Variants in GRM7 observed in about 807,000 individuals in gnomAD.
GRM7 encodes the protein glutamate metabotropic receptor 7.
In GRM7, 35 loss-of-function variants were observed where a neutral mutation model predicts 84.5. That is an observed-to-expected ratio of 0.41 (90% CI 0.32 to 0.55). The LOEUF (loss-of-function observed/expected upper bound fraction) is 0.55, where lower values mean the gene tolerates loss of function less well. GRM7 is among the 20% of genes least tolerant of loss of function. GRM7 has a pLI of 0.19. For synonymous variants in GRM7, 487 were observed against 455.1 expected (o/e 1.07, Z -0.89); for missense variants, 1,003 against 1,194.6 (o/e 0.84, Z 2.36).
chr3:6,973,783 G>A lies in GRM7; in HGVS notation c.519+111876G>A, dbSNP rs773459045. Among the ~76,000 whole-genome samples the A allele has an allele frequency of 3.9e-5, 6 of 152,292 alleles. No individual in the cohort carries two copies. The South Asian group carries it at 8.3e-4, about 21-fold the overall frequency. ...ATGTGGTTTGAGTGCTTGAGCTAAG[G>A]GAATGTGAAAGGAGATGGAGTCAGA... On this transcript the variant is annotated intron_variant, in intron 1 of 9. Coordinates refer to ENST00000357716, the MANE Select transcript of GRM7 (RefSeq NM_000844.4).
rs141881024 is a variant in GRM7, at chr3:7,437,035, C to A, written c.1175-15572C>A. ...CATCAAGTCCAATGTATACTCCTTACAACTGTTATTTCCTTTCACACCAAC... is the reference window on the plus strand; with the variant it reads ...CATCAAGTCCAATGTATACTCCTTAAAACTGTTATTTCCTTTCACACCAAC... On this transcript the variant is annotated intron_variant, in intron 5 of 9. Coordinates refer to ENST00000357716, the MANE Select transcript of GRM7 (RefSeq NM_000844.4). Among the ~76,000 whole-genome samples the A allele has an allele frequency of 5.4e-4, 82 of 152,296 alleles. 1 individual carries two copies. The East Asian group carries it at 0.012, about 21-fold the overall frequency.
rs985467323 is a variant in GRM7 at position 7,578,489 on chromosome 3, A to G, written c.1583A>G (p.Lys528Arg). The change falls in exon 8 of 10, where the codon AAG becomes AGG. Residue 528 changes from lysine to arginine, a missense_variant. Lys to Arg is a conservative substitution (Grantham distance 26). Transcript: ENST00000357716. ...GCCTCAGTGTGCACACTACCATGTA[A>G]GCCAGGACAGAGAAAGAAGACACAG... is the stretch of plus-strand genomic sequence containing the variant. ...IPASVCTLPCKPGQRKKTQKG... is the reference protein window; with the variant it reads ...IPASVCTLPCRPGQRKKTQKG... 1.9e-6 allele frequency: 3 copies of G among 1,613,902 alleles called. No individual in the cohort carries two copies. The African/African-American group carries it at 4.0e-5, about 22-fold the overall frequency.
At chr3:7,203,293 C>T (rs112788905) in intron 2 of GRM7, among the ~76,000 whole-genome samples, 51 of 152,202 alleles carry the variant, frequency 3.4e-4, no homozygotes, top group African/African-American at 9.9e-4. Context: ...CTCACATATG[C>T]GTGAGAATAT....
intron 2 of GRM7, among the ~76,000 whole-genome samples, chr3:7,205,094 C>T (rs1303236149): frequency 6.6e-6 from 1 of 152,148 alleles, no homozygotes; most frequent in African/African-American, 2.4e-5. Flanking sequence ...CATATGAAGA[C>T]TAGGGTTTTA....
intron 1 of GRM7, among the ~76,000 whole-genome samples, chr3:7,095,238 C>G (rs1253086969): frequency 2.6e-5 from 4 of 152,156 alleles, no homozygotes; most frequent in African/African-American, 9.7e-5. Context: ...CTTTAATTAT[C>G]TGACAGATGG....
At chr3:7,598,021 A>C (rs3804883) in intron 8 of GRM7, among the ~76,000 whole-genome samples, 1 of 152,072 alleles carries the variant, frequency 6.6e-6, no homozygotes, top group Admixed American at 6.5e-5. Flanking sequence ...TCAGGAAGAC[A>C]AAAGGACCAA....
chr3:7,180,083 A>G (rs983870756), intron 2 of GRM7, among the ~76,000 whole-genome samples: 1 of 152,158 alleles, frequency 6.6e-6, no homozygotes, highest in African/African-American at 2.4e-5. Flanking sequence ...TCTGACTTTC[A>G]CAGAACATTG....
At chr3:7,056,282 C>T (rs1420080002) in intron 1 of GRM7, among the ~76,000 whole-genome samples, 1 of 151,918 alleles carries the variant, frequency 6.6e-6, no homozygotes, top group African/African-American at 2.4e-5. Flanking sequence ...CTACAGGCAT[C>T]GTGGCCATGG....
At chr3:6,972,569 TAGATACTA>T (rs1426020175) in intron 1 of GRM7, among the ~76,000 whole-genome samples, 2 of 152,184 alleles carry the variant, frequency 1.3e-5, no homozygotes, top group Non-Finnish European at 2.9e-5. Flanking sequence ...AGCCGAGATT[TAGATACTA>T]ATGTCAAAAG....
chr3:7,677,270 A>AAAAAAC (rs1700164681), intron 8 of GRM7, among the ~76,000 whole-genome samples: 1 of 66,864 alleles, frequency 1.5e-5, no homozygotes. Flanking sequence ...TTTAAAAAAA[A>AAAAAAC]AAAAAAAAAA....
At position 6,862,685 on chromosome 3, in the gene GRM7, A is replaced by ATG. The variant is rs1186766457; in HGVS notation, c.519+778_519+779insTG. On this transcript the variant is annotated intron_variant, in intron 1 of 9. Transcript: ENST00000357716. This position sits in a 1 kb window ranked among gnomAD's most constrained non-coding sequence, Gnocchi z 5.2. Reference sequence around the variant, plus strand: ...CAGACCTCAGCCCAGGGATGAGCTCACGCGAAACGAAATCGCTCTCCCTGC... The same window carrying ATG: ...CAGACCTCAGCCCAGGGATGAGCTCATGCGCGAAACGAAATCGCTCTCCCTGC... 6.9e-5 allele frequency: 6 copies of ATG among 87,176 alleles called. No homozygotes were observed. Among genetic ancestry groups the ATG allele is most frequent in the Admixed American group, 1.7e-4 (1 of 5,798 alleles). 5.4% of individuals were successfully genotyped at this position (87,176 alleles called of 1,614,324 possible).
At chr3:7,582,051 T>A (rs979234562) in intron 8 of GRM7, among the ~76,000 whole-genome samples, 4 of 152,166 alleles carry the variant, frequency 2.6e-5, no homozygotes, top group African/African-American at 9.7e-5. Context: ...TCAGGAATTA[T>A]ATTTAGGTGG....
At position 7,629,476 on chromosome 3, in the gene GRM7, G is replaced by A. The variant is rs1306357290; in HGVS notation, c.2451+50119G>A. 3.9e-5 allele frequency among the ~76,000 whole-genome samples: 6 copies of A among 152,244 alleles called. No homozygotes were observed. In the East Asian group the frequency reaches 1.2e-3, roughly 29 times the overall value. On this transcript the variant is annotated intron_variant, in intron 8 of 9. Coordinates refer to ENST00000357716, the MANE Select transcript of GRM7 (RefSeq NM_000844.4). ...CCTTTCCCCAGTGCAGAAAGAGAGA[G>A]CACTCTGGTATCTCCTCCTTTTCTT...
chr3:7,248,769 C>T (rs1559526606), intron 2 of GRM7, among the ~76,000 whole-genome samples: 1 of 151,986 alleles, frequency 6.6e-6, no homozygotes, highest in African/African-American at 2.4e-5. Context: ...TTCAGATATG[C>T]CGCTTGCAAA....
chr3:7,656,543 G>GCACACACACACACACACACA (rs140409240), intron 8 of GRM7, among the ~76,000 whole-genome samples: 1 of 119,972 alleles, frequency 8.3e-6, no homozygotes, highest in Non-Finnish European at 1.8e-5. Context: ...ATATATACGC[G>GCACACACACACACACACACA]CGCGCACACA....
At chr3:7,463,023 G>T (rs1698313576) in intron 7 of GRM7, among the ~76,000 whole-genome samples, 1 of 152,246 alleles carries the variant, frequency 6.6e-6, no homozygotes, top group African/African-American at 2.4e-5. Flanking sequence ...GTAATCAAAA[G>T]CAGAATCAAA....
chr3:7,155,314 T>G (rs551784280), intron 2 of GRM7, among the ~76,000 whole-genome samples: 2 of 152,204 alleles, frequency 1.3e-5, no homozygotes, highest in South Asian at 4.1e-4. Flanking sequence ...AACCAAAAGT[T>G]GGGTAGTCAC....
intron 8 of GRM7, among the ~76,000 whole-genome samples, chr3:7,667,033 C>T (rs1241497496): frequency 3.9e-5 from 6 of 151,976 alleles, no homozygotes; most frequent in Non-Finnish European, 5.9e-5. Context: ...GATGATCATC[C>T]CTACACTAGA....
rs1700583860 is a variant in GRM7, at chr3:7,316,384, A to T, written c.1033+9732A>T. The stretch of plus-strand genomic sequence containing the variant: ...ATGCAGAATATAGGGTAAGAAGGAT[A>T]ATATCTAGGAGACTGGTAATGAGGT... On this transcript the variant is annotated intron_variant, in intron 4 of 9. Transcript: ENST00000357716. Among the ~76,000 whole-genome samples, 3 of 152,294 alleles carry T rather than the reference A, an allele frequency of 2.0e-5. No homozygotes were observed. The South Asian group carries it at 6.2e-4, about 32-fold the overall frequency.
Sources: allele counts gnomAD v4.1 joint callset (sites outside exome capture counted in the v4.1 genomes callset), GRCh38; gene constraint gnomAD v4.1.1; non-coding constraint Gnocchi (gnomAD v3.1); transcripts MANE v1.5; gene names NCBI Gene and HGNC (gene_info 2026-07-23, HGNC 2026-07-21).